The following CTNNA3 variants were observed in gnomAD, a reference collection of about 807,000 sequenced individuals.
The protein encoded by CTNNA3 is catenin alpha-3.
Under a neutral mutation model 95.7 loss-of-function variants are expected in CTNNA3, and 76 were observed. The observed-to-expected ratio is 0.79, with a 90% confidence interval of 0.66 to 0.96. The LOEUF (loss-of-function observed/expected upper bound fraction) is 0.96, where lower values mean the gene tolerates loss of function less well. Among genes scored for constraint, CTNNA3 ranks in the 40% least tolerant of loss-of-function variants. The probability of loss-of-function intolerance (pLI) is 0.00; values close to 1 mark genes in which losing one functional copy is unlikely to be tolerated. For missense variants in CTNNA3, 1,191 were observed against 1,089.8 expected, an observed-to-expected ratio of 1.09 and a Z score of -1.31; for synonymous variants, 431 against 374.4, an observed-to-expected ratio of 1.15 and a Z score of -1.74.
chr10:67,194,892 T>C lies in CTNNA3; in HGVS notation c.844-14372A>G, dbSNP rs1237628893. ...CTGCTCTAAAATAAAGTCTTAAAAATAAGAAAAAAATTAGTATTACAGAAA... is the reference window on the plus strand; with the variant it reads ...CTGCTCTAAAATAAAGTCTTAAAAACAAGAAAAAAATTAGTATTACAGAAA... On this transcript the variant is annotated intron_variant, in intron 6 of 17. Transcript: ENST00000433211. Among the ~76,000 whole-genome samples, 7 of 151,836 alleles carry C rather than the reference T, an allele frequency of 4.6e-5. No homozygotes were observed. The South Asian group carries it at 1.0e-3, about 22-fold the overall frequency.
chr10:67,318,505 C>T (rs561349382), intron 5 of CTNNA3, among the ~76,000 whole-genome samples: 3 of 152,218 alleles, frequency 2.0e-5, no homozygotes, highest in African/African-American at 7.2e-5. Context: ...ATGCATAAAC[C>T]AAAGAACAAA....
At chr10:66,330,104 C>T (rs1372349721) in intron 12 of CTNNA3, among the ~76,000 whole-genome samples, 1 of 151,932 alleles carries the variant, frequency 6.6e-6, no homozygotes. Flanking sequence ...TTTTAGGGTA[C>T]ATGTGCACAA....
chr10:67,746,408 GA>G (rs1314641508), intron 1 of CTNNA3, among the ~76,000 whole-genome samples: 1 of 152,150 alleles, frequency 6.6e-6, no homozygotes, highest in African/African-American at 2.4e-5. Flanking sequence ...GCGGAGCTGA[GA>G]TGGCTAACTA....
At chr10:67,453,501 T>C (rs540819791) in intron 5 of CTNNA3, among the ~76,000 whole-genome samples, 4 of 152,338 alleles carry the variant, frequency 2.6e-5, no homozygotes, top group East Asian at 1.9e-4. Flanking sequence ...TGCAAACTTA[T>C]AGTAAAACAT....
chr10:66,813,825 G>A (rs75725963), intron 7 of CTNNA3, among the ~76,000 whole-genome samples: 4 of 122,782 alleles, frequency 3.3e-5, no homozygotes, highest in African/African-American at 1.3e-4. Flanking sequence ...CTATTTGGGG[G>A]AAGGGCGTGT....
At chr10:67,324,285 A>C (rs772067905) in intron 5 of CTNNA3, among the ~76,000 whole-genome samples, 12 of 152,056 alleles carry the variant, frequency 7.9e-5, no homozygotes, top group Non-Finnish European at 1.3e-4. Context: ...TGGTGAGAGA[A>C]GGCATCCTTG....
intron 5 of CTNNA3, among the ~76,000 whole-genome samples, chr10:67,281,920 A>C (rs952487044): frequency 7.9e-5 from 12 of 152,170 alleles, no homozygotes; most frequent in Non-Finnish European, 1.5e-4. Flanking sequence ...TCATTCATTC[A>C]CTGATTCTTC....
chr10:67,282,735 T>C (rs1022195300), intron 5 of CTNNA3, among the ~76,000 whole-genome samples: 2 of 152,158 alleles, frequency 1.3e-5, no homozygotes, highest in Non-Finnish European at 2.9e-5. Flanking sequence ...GCTACCATGG[T>C]TGTGTGACTA....
At chr10:67,325,551 T>G (rs1841505018) in intron 5 of CTNNA3, among the ~76,000 whole-genome samples, 1 of 152,204 alleles carries the variant, frequency 6.6e-6, no homozygotes, top group Non-Finnish European at 1.5e-5. Flanking sequence ...TGAGTGAATT[T>G]GTTAGTCTTG....
intron 10 of CTNNA3, among the ~76,000 whole-genome samples, chr10:66,618,230 C>CA (rs1240032909): frequency 6.6e-6 from 1 of 151,448 alleles, no homozygotes; most frequent in Admixed American, 6.6e-5. Flanking sequence ...CATATGGAAC[C>CA]AAAAAAGAGC....
At chr10:66,112,102 G>C (rs2082141937) in intron 13 of CTNNA3, among the ~76,000 whole-genome samples, 1 of 152,106 alleles carries the variant, frequency 6.6e-6, no homozygotes, top group African/African-American at 2.4e-5. Flanking sequence ...GTTGAGTTCA[G>C]TTGATTGAAA....
At chr10:67,651,311 T>G (rs965419766) in intron 1 of CTNNA3, among the ~76,000 whole-genome samples, 1 of 152,170 alleles carries the variant, frequency 6.6e-6, no homozygotes, top group Non-Finnish European at 1.5e-5. Flanking sequence ...CAAACTCAAG[T>G]CTCTCATCAC....
chr10:67,734,062 AGAGTTT>A (rs1235717167), intron 1 of CTNNA3, among the ~76,000 whole-genome samples: 1 of 152,196 alleles, frequency 6.6e-6, no homozygotes, highest in Non-Finnish European at 1.5e-5. Flanking sequence ...TTTTATAGGT[AGAGTTT>A]AAGTTCCTTC....
At chr10:66,374,758 G>A (rs1469844788) in intron 12 of CTNNA3, among the ~76,000 whole-genome samples, 1 of 151,822 alleles carries the variant, frequency 6.6e-6, no homozygotes, top group Non-Finnish European at 1.5e-5. Flanking sequence ...GGGATTACAG[G>A]CACATGCTAC....
At chr10:66,727,090 T>C (rs1263125418) in intron 9 of CTNNA3, among the ~76,000 whole-genome samples, 1 of 152,078 alleles carries the variant, frequency 6.6e-6, no homozygotes, top group East Asian at 1.9e-4. Flanking sequence ...TGTTCAAAGA[T>C]GGAATTGAGT....
At chr10:66,356,787 T>C (rs554401912) in intron 12 of CTNNA3, among the ~76,000 whole-genome samples, 12 of 152,068 alleles carry the variant, frequency 7.9e-5, no homozygotes, top group Non-Finnish European at 1.8e-4. Flanking sequence ...TCCCTTTCTA[T>C]TTCTAATGTA....
chr10:66,759,191 G>GA (rs533540573), intron 9 of CTNNA3, among the ~76,000 whole-genome samples: 16 of 152,018 alleles, frequency 1.1e-4, no homozygotes, highest in African/African-American at 3.4e-4. Context: ...CAAGATTTTT[G>GA]AAAAAAACAT....
At position 67,089,925 on chromosome 10, in the gene CTNNA3, C is replaced by A. The variant is rs1273768144; in HGVS notation, c.1047+90392G>T. Among the ~76,000 whole-genome samples the A allele has an allele frequency of 3.9e-5, 6 of 152,056 alleles. No individual in the cohort carries two copies. The South Asian group carries it at 6.2e-4, about 16-fold the overall frequency. The stretch of plus-strand genomic sequence containing the variant: ...TTCCCAGTCCTGTACTTCTGCAGCA[C>A]CTGCCTAGCTATGTTTTACATAAAG... On this transcript the variant is annotated intron_variant, in intron 7 of 17. Transcript: ENST00000433211.
At chr10:66,132,480 G>T (rs2083158045) in intron 13 of CTNNA3, among the ~76,000 whole-genome samples, 1 of 152,134 alleles carries the variant, frequency 6.6e-6, no homozygotes, top group Admixed American at 6.5e-5. Context: ...TTCAACCATT[G>T]TGGAAGATCT....
Sources: gnomAD v4.1 joint callset for allele counts (sites outside exome capture counted in the v4.1 genomes callset) on GRCh38, gnomAD v4.1.1 for gene constraint, MANE v1.5 for transcripts, NCBI Gene and HGNC (gene_info 2026-07-23, HGNC 2026-07-21) for gene names.